The following PRKAR1B variants were observed in gnomAD, a reference collection of about 807,000 sequenced individuals.
PRKAR1B encodes cAMP-dependent protein kinase type I-beta regulatory subunit.
Under a neutral mutation model 46.5 loss-of-function variants are expected in PRKAR1B, and 22 were observed. The observed-to-expected ratio is 0.47, with a 90% CI of 0.34 to 0.68. The LOEUF (loss-of-function observed/expected upper bound fraction) is 0.68, where lower values mean the gene tolerates loss of function less well. Among genes scored for constraint, PRKAR1B ranks in the 30% least tolerant of loss-of-function variants. PRKAR1B has a pLI of 0.01. For synonymous variants in PRKAR1B, 259 were observed against 217.7 expected (o/e 1.19, Z -1.67); for missense variants, 445 against 535.6 (o/e 0.83, Z 1.67).
At chr7:581,302 CAAAAA>C (rs758386135) in intron 8 of PRKAR1B, among the ~76,000 whole-genome samples, 4,688 of 103,030 alleles carry the variant, frequency 0.046, 104 homozygotes, top group East Asian at 0.14. Flanking sequence ...CACTCTGTCT[CAAAAA>C]AAAAAAAAAA....
intron 2 of PRKAR1B, among the ~76,000 whole-genome samples, chr7:711,003 A>G (rs1008337076): frequency 6.6e-6 from 1 of 152,118 alleles, no homozygotes; most frequent in African/African-American, 2.4e-5. Context: ...GGTGAGCCCC[A>G]CAAGCTAGCG....
intron 2 of PRKAR1B, among the ~76,000 whole-genome samples, chr7:695,412 AAG>A (rs1491380316): frequency 1.3e-5 from 2 of 152,136 alleles, no homozygotes; most frequent in Admixed American, 1.3e-4. Context: ...GGTGGAATCT[AAG>A]AGAGAGCCCC....
chr7:654,912 G>A (rs1195157536), intron 4 of PRKAR1B, among the ~76,000 whole-genome samples: 1 of 152,100 alleles, frequency 6.6e-6, no homozygotes, highest in Non-Finnish European at 1.5e-5. Flanking sequence ...TGCCTCCAAG[G>A]AATCTCATAA....
At chr7:728,733 C>A (rs1002213042), upstream of PRKAR1B, among the ~76,000 whole-genome samples, 1 of 152,238 alleles carries the variant, frequency 6.6e-6, no homozygotes, top group African/African-American at 2.4e-5. Context: ...CAAGCGCAGC[C>A]TGCTGGGGTA....
At chr7:681,098 G>T (rs1778656938) in intron 2 of PRKAR1B, among the ~76,000 whole-genome samples, 1 of 152,034 alleles carries the variant, frequency 6.6e-6, no homozygotes, top group Admixed American at 6.6e-5. Context: ...AAGATCTGAT[G>T]GGTTTCCAAG....
At chr7:583,549 A>C (rs937198413) in intron 8 of PRKAR1B, among the ~76,000 whole-genome samples, 78 of 120,866 alleles carry the variant, frequency 6.5e-4, no homozygotes, top group African/African-American at 2.1e-3. Context: ...ACACGTGCCA[A>C]ACACATGCGT....
chr7:657,266 C>CGGACGGAT lies in PRKAR1B; in HGVS notation c.440+19962_440+19963insATCCGTCC, dbSNP rs1554299000. Among the ~76,000 whole-genome samples the CGGACGGAT allele has an allele frequency of 9.0e-4, 89 of 98,822 alleles. 1 individual carries two copies. Among genetic ancestry groups the CGGACGGAT allele is most frequent in the Admixed American group, 2.2e-3 (22 of 10,030 alleles). The allele number at this position is 98,822 out of a possible 152,430, so 64.8% of individuals were successfully genotyped here. ...ATGAATGGATGGATGAATGGACGGA[C>CGGACGGAT]GGATGGATGGATGGATGGATGGATG... On this transcript the variant is annotated intron_variant, in intron 4 of 10. Transcript: ENST00000537384.
chr7:625,773 G>A (rs1048322166), intron 4 of PRKAR1B, among the ~76,000 whole-genome samples: 10 of 152,300 alleles, frequency 6.6e-5, no homozygotes, highest in South Asian at 2.1e-4. Context: ...TTGGGAGGCC[G>A]AGGCAGGAGA....
At chr7:610,448 C>T (rs1265886756) in intron 4 of PRKAR1B, among the ~76,000 whole-genome samples, 1 of 152,214 alleles carries the variant, frequency 6.6e-6, no homozygotes, top group African/African-American at 2.4e-5. Context: ...TGTCCCTCAT[C>T]TCCCCAGGGA....
At position 560,451 on chromosome 7, in the gene PRKAR1B, T is replaced by C. The variant is rs1050065669; in HGVS notation, c.892-8981A>G. Among the ~76,000 whole-genome samples the C allele has an allele frequency of 3.3e-5, 5 of 151,986 alleles. No individual in the cohort carries two copies. The highest frequency in any genetic ancestry group is 1.2e-4 in the African/African-American group (5 of 41,376). On this transcript the variant is annotated intron_variant, in intron 9 of 10. Coordinates refer to ENST00000537384, the MANE Select transcript of PRKAR1B (RefSeq NM_001164760.2). This position sits in a 1 kb window ranked among gnomAD's most constrained non-coding sequence, Gnocchi z 4.2. ...AAATGGAAACTGCTATCACTTTCCA[T>C]AAATTAAAAAGTAACTAAAAGATTA... is the stretch of plus-strand genomic sequence containing the variant.
chr7:671,845 G>T (rs533145246), intron 4 of PRKAR1B, among the ~76,000 whole-genome samples: 18 of 152,276 alleles, frequency 1.2e-4, no homozygotes, highest in African/African-American at 4.3e-4. Context: ...TGCCTGGAAC[G>T]GGCCCCAGGC....
At chr7:553,878 G>C (rs1180679566) in intron 9 of PRKAR1B, among the ~76,000 whole-genome samples, 1 of 152,264 alleles carries the variant, frequency 6.6e-6, no homozygotes, top group African/African-American at 2.4e-5. Context: ...CCAGGCCTCT[G>C]CCGTGTTTAT....
At chr7:615,766 T>C (rs1583306708) in intron 4 of PRKAR1B, among the ~76,000 whole-genome samples, 1 of 140,364 alleles carries the variant, frequency 7.1e-6, no homozygotes, top group Non-Finnish European at 1.5e-5. Context: ...AGGCAGAGCT[T>C]GCAGTGAGCC....
At chr7:700,757 A>T (rs1002158119) in intron 2 of PRKAR1B, among the ~76,000 whole-genome samples, 3 of 152,222 alleles carry the variant, frequency 2.0e-5, no homozygotes, top group Non-Finnish European at 4.4e-5. Flanking sequence ...GAACTGAAAA[A>T]TAAATACAAA....
chr7:579,190 G>T (rs1333601599), intron 9 of PRKAR1B, 66 bp downstream of exon 9: 1 of 1,611,320 alleles, frequency 6.2e-7, no homozygotes. Context: ...AGTGGAAGAG[G>T]AGAAGGTAAG....
intron 2 of PRKAR1B, among the ~76,000 whole-genome samples, chr7:686,694 A>G (rs1319134887): frequency 1.3e-5 from 2 of 152,108 alleles, no homozygotes; most frequent in Non-Finnish European, 1.5e-5. Context: ...AAGGTTAAAA[A>G]CATATTTTTG....
In PRKAR1B at chr7:574,941, T is replaced by A. The variant is rs540295400; in HGVS notation, c.891+4315A>T. Among the ~76,000 whole-genome samples, 151 of 152,348 alleles carry A rather than the reference T, an allele frequency of 9.9e-4. 1 individual carries two copies. Among genetic ancestry groups the A allele is most frequent in the Admixed American group, 4.3e-3 (66 of 15,312 alleles). The stretch of plus-strand genomic sequence containing the variant: ...GCCTTTCCACCTGTCACCGCAGTCG[T>A]CCTGCTGGCGGTGGAGCGGCCGGGA... On this transcript the variant is annotated intron_variant, in intron 9 of 10. Transcript: ENST00000537384.
chr7:713,940 A>T (rs184962455), intron 1 of PRKAR1B, among the ~76,000 whole-genome samples: 1 of 152,012 alleles, frequency 6.6e-6, no homozygotes, highest in Non-Finnish European at 1.5e-5. Flanking sequence ...TTGTCCTGAG[A>T]CTTTCTTAGG....
In PRKAR1B at chr7:602,112, C is replaced by T. The variant is rs2128460409; in HGVS notation, c.549+4081G>A. Among the ~76,000 whole-genome samples, 1 of 152,254 alleles carries T rather than the reference C, an allele frequency of 6.6e-6. No homozygotes were observed. Among genetic ancestry groups the T allele is most frequent in the South Asian group, 2.1e-4 (1 of 4,822 alleles). On this transcript the variant is annotated intron_variant, in intron 6 of 10. Coordinates refer to ENST00000537384, the MANE Select transcript of PRKAR1B (RefSeq NM_001164760.2). The surrounding 1 kb of genome is among the most constrained non-coding windows in gnomAD (Gnocchi z 6.4). ...TCGTGTCTGAGAGAAAACCGTCTCCCCTCCACTCAGGCTTCAGCCCCGACC... is the reference window on the plus strand; with the variant it reads ...TCGTGTCTGAGAGAAAACCGTCTCCTCTCCACTCAGGCTTCAGCCCCGACC...
Sources: allele counts gnomAD v4.1 joint callset (sites outside exome capture counted in the v4.1 genomes callset), GRCh38; gene constraint gnomAD v4.1.1; non-coding constraint Gnocchi (gnomAD v3.1); transcripts MANE v1.5; gene names NCBI Gene and HGNC (gene_info 2026-07-23, HGNC 2026-07-21).